The following COLEC12 variants were observed in gnomAD, a reference collection of about 807,000 sequenced individuals.
COLEC12 encodes the protein collectin-12.
COLEC12 carries 33 observed loss-of-function variants against 71.1 expected under a neutral mutation model. The ratio of observed to expected loss-of-function variants is 0.46; its 90% CI spans 0.35 to 0.62. The LOEUF is 0.62. Ranked by LOEUF, COLEC12 falls within the 20% of genes least tolerant of loss-of-function variation. The pLI is 0.00. For missense variants in COLEC12, 765 were observed against 916.1 expected (o/e 0.84, Z 2.13); for synonymous variants, 350 against 353.0 (o/e 0.99, Z 0.10).
At chr18:373,930 C>T (rs187756219) in intron 2 of COLEC12, among the ~76,000 whole-genome samples, 16 of 152,346 alleles carry the variant, frequency 1.1e-4, no homozygotes, top group Non-Finnish European at 1.9e-4. Context: ...ATGCTCTTTG[C>T]TCATTTCTGA....
At chr18:469,217 C>A (rs1357340939) in intron 2 of COLEC12, among the ~76,000 whole-genome samples, 1 of 152,190 alleles carries the variant, frequency 6.6e-6, no homozygotes, top group South Asian at 2.1e-4. Context: ...TGAAGCTTTG[C>A]CAGTACTGAA....
chr18:461,178 A>G (rs1916975967), intron 2 of COLEC12, among the ~76,000 whole-genome samples: 1 of 152,216 alleles, frequency 6.6e-6, no homozygotes, highest in African/African-American at 2.4e-5. Flanking sequence ...AAAATCATCT[A>G]TAACAGCATT....
At chr18:330,153 C>G (rs1913939209) in intron 8 of COLEC12, among the ~76,000 whole-genome samples, 1 of 152,168 alleles carries the variant, frequency 6.6e-6, no homozygotes, top group South Asian at 2.1e-4. Flanking sequence ...ATCCTACTCA[C>G]ATGGAGAATT....
At chr18:462,988 G>A (rs1917011847) in intron 2 of COLEC12, among the ~76,000 whole-genome samples, 1 of 152,310 alleles carries the variant, frequency 6.6e-6, no homozygotes, top group Middle Eastern at 3.4e-3. Context: ...CAGCAACAAT[G>A]GAAGAACAAG....
chr18:489,696 C>A (rs989698811), intron 1 of COLEC12, among the ~76,000 whole-genome samples: 38 of 152,136 alleles, frequency 2.5e-4, no homozygotes, highest in Middle Eastern at 3.2e-3. Context: ...CATGACTCAG[C>A]TGTGAGTCGC....
rs541827102 is a variant in COLEC12, at chr18:437,990, G to A, written c.58+42717C>T. 3.4e-4 allele frequency among the ~76,000 whole-genome samples: 51 copies of A among 152,208 alleles called. 1 individual carries two copies. The highest frequency in any genetic ancestry group is 6.8e-3 in the Middle Eastern group (2 of 292). ...AGAAATTTATAGGCTACATACATAG[G>A]TTACGTGTTTATAGTCAATTATAAT... is the stretch of plus-strand genomic sequence containing the variant. On this transcript the variant is annotated intron_variant, in intron 2 of 9. Transcript: ENST00000400256.
At chr18:355,554 A>G (rs1914613453) in intron 3 of COLEC12, among the ~76,000 whole-genome samples, 1 of 152,232 alleles carries the variant, frequency 6.6e-6, no homozygotes, top group African/African-American at 2.4e-5. Context: ...ATAATTCTGA[A>G]TGCATAAATG....
intron 2 of COLEC12, among the ~76,000 whole-genome samples, chr18:431,992 C>T (rs1022364603): frequency 6.6e-6 from 1 of 152,132 alleles, no homozygotes; most frequent in African/African-American, 2.4e-5. Flanking sequence ...CACAAAGCCC[C>T]CCACACTCTA....
intron 8 of COLEC12, among the ~76,000 whole-genome samples, chr18:324,674 C>T (rs1439703094): frequency 6.9e-6 from 1 of 144,956 alleles, no homozygotes; most frequent in African/African-American, 2.6e-5. Context: ...ACTAAAAATA[C>T]AAAAATTAGC....
intron 8 of COLEC12, among the ~76,000 whole-genome samples, chr18:328,866 A>G (rs1317720062): frequency 6.6e-6 from 1 of 152,198 alleles, no homozygotes; most frequent in African/African-American, 2.4e-5. Flanking sequence ...TAGTTTGTGC[A>G]ATGTTTATTA....
chr18:488,872 C>T, intron 1 of COLEC12, among the ~76,000 whole-genome samples: 1 of 108,764 alleles, frequency 9.2e-6, no homozygotes, highest in Non-Finnish European at 1.9e-5. Flanking sequence ...GACTCTGTTT[C>T]AAAAAAAAGA....
At chr18:325,484 C>G (rs939108081) in intron 8 of COLEC12, among the ~76,000 whole-genome samples, 1 of 152,098 alleles carries the variant, frequency 6.6e-6, no homozygotes, top group African/African-American at 2.4e-5. Context: ...CCTTAGCATT[C>G]TGCTCTGAGC....
chr18:441,190 G>A (rs1916522406), intron 2 of COLEC12, among the ~76,000 whole-genome samples: 1 of 149,898 alleles, frequency 6.7e-6, no homozygotes, highest in South Asian at 2.2e-4. Flanking sequence ...GGAGCTTGCA[G>A]TGAGCCGAGA....
At chr18:452,226 AT>A (rs1226517831) in intron 2 of COLEC12, among the ~76,000 whole-genome samples, 1 of 152,216 alleles carries the variant, frequency 6.6e-6, no homozygotes, top group Non-Finnish European at 1.5e-5. Context: ...TCAATATATG[AT>A]TTAGATTAAG....
intron 3 of COLEC12, among the ~76,000 whole-genome samples, chr18:355,721 G>A (rs2143497696): frequency 6.6e-6 from 1 of 152,204 alleles, no homozygotes; most frequent in East Asian, 1.9e-4. Context: ...CTTTATCTTG[G>A]CTCACTAGGA....
chr18:465,917 T>C (rs982307654), intron 2 of COLEC12, among the ~76,000 whole-genome samples: 1 of 151,770 alleles, frequency 6.6e-6, no homozygotes. Context: ...TACCAAAAAA[T>C]ATAAACATTA....
At chr18:372,251 C>A (rs1915016305) in intron 2 of COLEC12, among the ~76,000 whole-genome samples, 2 of 152,150 alleles carry the variant, frequency 1.3e-5, no homozygotes, top group South Asian at 4.1e-4. Context: ...AAACTGGTTC[C>A]ATTAATTTTT....
chr18:395,906 T>C (rs942049935), intron 2 of COLEC12, among the ~76,000 whole-genome samples: 1 of 152,172 alleles, frequency 6.6e-6, no homozygotes, highest in African/African-American at 2.4e-5. Flanking sequence ...TCTGACTCAT[T>C]TGGAAAATTC....
intron 2 of COLEC12, among the ~76,000 whole-genome samples, chr18:442,736 C>T (rs1298098819): frequency 2.0e-5 from 3 of 152,196 alleles, no homozygotes; most frequent in African/African-American, 2.4e-5. Flanking sequence ...CCAAGGCAGG[C>T]GGATCACGAG....
Sources: gnomAD v4.1 joint callset for allele counts (sites outside exome capture counted in the v4.1 genomes callset) on GRCh38, gnomAD v4.1.1 for gene constraint, MANE v1.5 for transcripts, NCBI Gene and HGNC (gene_info 2026-07-23, HGNC 2026-07-21) for gene names.